Variants in GON4L observed in about 807,000 individuals in gnomAD.
GON4L encodes GON-4-like protein.
In GON4L, 87 loss-of-function variants were observed where a neutral mutation model predicts 211.8. The observed-to-expected ratio is 0.41, with a 90% CI of 0.35 to 0.49. The LOEUF is 0.49. GON4L is among the 20% of genes least tolerant of loss of function. The probability of loss-of-function intolerance (pLI) is 0.15; values close to 1 mark genes in which losing one functional copy is unlikely to be tolerated. For missense variants in GON4L, 2,155 were observed against 2,659.5 expected (o/e 0.81, Z 4.17); for synonymous variants, 875 against 962.6 (o/e 0.91, Z 1.68).
In GON4L at chr1:155,762,303, G is replaced by A. The variant is rs778351826; in HGVS notation, c.4798C>T (p.Arg1600Trp). 10 of 1,613,518 alleles carry A rather than the reference G, an allele frequency of 6.2e-6. No homozygotes were observed. Among genetic ancestry groups the A allele is most frequent in the Non-Finnish European group, 7.6e-6 (9 of 1,179,730 alleles). ...RARNKRGSRA[R>W]ASKDTSKLLL... ...AGCTTGGAGGTGTCCTTGCTGGCCC[G>A]AGCCCGACTTCCCCGCTTGTTGCGA... Residue 1600 changes from arginine to tryptophan, a missense_variant, in exon 23 of 32, where the codon CGG becomes TGG. Arg to Trp is a moderately radical substitution (Grantham distance 101, BLOSUM62 -3). Around this residue, in one of 6 missense-constraint regions of GON4L, gnomAD observed 455 missense variants for 504.6 expected, o/e 0.90. Coordinates refer to ENST00000368331, the MANE Select transcript of GON4L (RefSeq NM_001282860.2).
chr1:155,807,721 A>G (rs1444401127), intron 10 of GON4L, among the ~76,000 whole-genome samples: 2 of 150,334 alleles, frequency 1.3e-5, no homozygotes, highest in African/African-American at 4.9e-5. Flanking sequence ...AAAAAAAAAA[A>G]AAAAGAAAAT....
At position 155,815,490 on chromosome 1, in the gene GON4L, G is replaced by T. The variant is rs75636292; in HGVS notation, c.1161+315C>A. 4.0e-3 allele frequency among the ~76,000 whole-genome samples: 602 copies of T among 152,114 alleles called. 4 individuals are homozygous for T. Among genetic ancestry groups the T allele is most frequent in the African/African-American group, 0.013 (558 of 41,502 alleles). On this transcript the variant is annotated intron_variant, in intron 8 of 31. Coordinates refer to ENST00000368331, the MANE Select transcript of GON4L (RefSeq NM_001282860.2). The stretch of plus-strand genomic sequence containing the variant: ...TGGTTATTTTTAGGGGGAGGGAGGT[G>T]ATTGTGACTGGGGAGGGTATACAGG...
chr1:155,804,852 T>C, intron 11 of GON4L, 97 bp downstream of exon 11: 1 of 857,520 alleles, frequency 1.2e-6, no homozygotes. Flanking sequence ...ATTAAATCAA[T>C]TAACCCAAAC....
rs918242129 is a variant in GON4L at position 155,785,472 on chromosome 1, G to T, written c.1748-98C>A. ...ATGTATAATGTTTTCAACAAGGCAT[G>T]ACAAATTCTTCATATCTATCCTTCT... On this transcript the variant is annotated intron_variant, in intron 12 of 31. Transcript: ENST00000368331. The T allele has an allele frequency of 2.1e-4, 183 of 866,226 alleles. 1 individual carries two copies. Among genetic ancestry groups the T allele is most frequent in the Non-Finnish European group, 2.3e-4 (118 of 505,496 alleles). 53.7% of individuals were successfully genotyped at this position (866,226 alleles called of 1,614,324 possible).
At position 155,826,994 on chromosome 1, in the gene GON4L, A is replaced by C. The variant is rs747481439; in HGVS notation, c.540T>G (p.Pro180=). Residue 180 remains proline (P), a synonymous_variant, in exon 3 of 32, where the codon CCT becomes CCG. Transcript: ENST00000368331. Reference sequence around the variant, plus strand: ...CAGATTGGCTGCCTGATGGCAGGGAAGGTATCTCCCCTTCAGAATTCATTT... The same window carrying C: ...CAGATTGGCTGCCTGATGGCAGGGACGGTATCTCCCCTTCAGAATTCATTT... ...KPQMNSEGEI[P]SLPSGSQSAK... is the part of the protein sequence containing the mutation. 7 of 1,613,934 alleles carry C rather than the reference A, an allele frequency of 4.3e-6. No homozygotes were observed. In the East Asian group the frequency reaches 1.6e-4, roughly 36 times the overall value.
intron 10 of GON4L, among the ~76,000 whole-genome samples, chr1:155,808,357 A>G (rs557865617): frequency 6.6e-6 from 1 of 151,852 alleles, no homozygotes; most frequent in African/African-American, 2.4e-5. Context: ...AATGTTTAAA[A>G]TAAAATCTAC....
chr1:155,772,412 CAT>C (rs1485138620), intron 18 of GON4L, among the ~76,000 whole-genome samples: 1 of 152,002 alleles, frequency 6.6e-6, no homozygotes, highest in Non-Finnish European at 1.5e-5. Context: ...TACATATACA[CAT>C]ATGTGCTGAT....
At chr1:155,791,226 C>T (rs61192581) in intron 12 of GON4L, among the ~76,000 whole-genome samples, 1 of 152,278 alleles carries the variant, frequency 6.6e-6, no homozygotes, top group African/African-American at 2.4e-5. Flanking sequence ...CACACCATTG[C>T]ACTCTAGCCT....
At chr1:155,839,822 A>T (rs879728765) in intron 2 of GON4L, among the ~76,000 whole-genome samples, 3 of 152,206 alleles carry the variant, frequency 2.0e-5, no homozygotes, top group African/African-American at 7.2e-5. Context: ...ATGGTCTCCT[A>T]TGTTAAAGTA....
At chr1:155,836,543 TG>T (rs1465989559) in intron 2 of GON4L, among the ~76,000 whole-genome samples, 1 of 152,188 alleles carries the variant, frequency 6.6e-6, no homozygotes, top group African/African-American at 2.4e-5. Context: ...CCACCACGCC[TG>T]GCCGATGTGG....
At chr1:155,852,296 G>A (rs1017994103) in intron 2 of GON4L, among the ~76,000 whole-genome samples, 15 of 151,890 alleles carry the variant, frequency 9.9e-5, no homozygotes, top group East Asian at 9.7e-4. Flanking sequence ...CTGTTAAACC[G>A]CAATTCATCT....
intron 8 of GON4L, among the ~76,000 whole-genome samples, 193 bp downstream of exon 8, chr1:155,815,612 G>A (rs1194109238): frequency 6.6e-6 from 1 of 151,978 alleles, no homozygotes; most frequent in Admixed American, 6.6e-5. Flanking sequence ...TTCTATGCAC[G>A]TTTCTATGCT....
intron 10 of GON4L, among the ~76,000 whole-genome samples, chr1:155,811,479 G>A (rs1667766839): frequency 6.6e-6 from 1 of 150,624 alleles, no homozygotes; most frequent in African/African-American, 2.4e-5. Flanking sequence ...GATTGGGCTG[G>A]GTGCATTGGC....
chr1:155,801,846 G>A (rs750977064), intron 11 of GON4L, among the ~76,000 whole-genome samples: 65 of 152,102 alleles, frequency 4.3e-4, no homozygotes, highest in Non-Finnish European at 2.1e-4. Context: ...TCACACCACT[G>A]CACTCCAGTC....
At chr1:155,775,878 A>T (rs563497912) in intron 16 of GON4L, among the ~76,000 whole-genome samples, 2 of 152,172 alleles carry the variant, frequency 1.3e-5, no homozygotes, top group Non-Finnish European at 2.9e-5. Context: ...CTCACCTCCT[A>T]GGCTCAAGCT....
chr1:155,767,249 G>T, intron 20 of GON4L, 176 bp downstream of exon 20: 1 of 1,414,984 alleles, frequency 7.1e-7, no homozygotes, highest in Non-Finnish European at 9.5e-7. Flanking sequence ...TTTTGAAAAT[G>T]CTGTAGAATC....
At chr1:155,830,389 T>C (rs1669645027) in intron 2 of GON4L, among the ~76,000 whole-genome samples, 1 of 151,642 alleles carries the variant, frequency 6.6e-6, no homozygotes, top group Non-Finnish European at 1.5e-5. Flanking sequence ...GAGATTCTCC[T>C]GGCTCAGCCT....
chr1:155,776,931 T>C (rs1018739224), intron 15 of GON4L, among the ~76,000 whole-genome samples: 11 of 152,116 alleles, frequency 7.2e-5, no homozygotes, highest in African/African-American at 2.2e-4. Flanking sequence ...GAAAATAACA[T>C]AGGATCTTGG....
chr1:155,848,590 A>G (rs1671468180), intron 2 of GON4L, among the ~76,000 whole-genome samples: 1 of 152,174 alleles, frequency 6.6e-6, no homozygotes, highest in South Asian at 2.1e-4. Context: ...CTTCCCTCAC[A>G]ATCTATCAAA....
Sources: allele counts gnomAD v4.1 joint callset (sites outside exome capture counted in the v4.1 genomes callset), GRCh38; gene constraint gnomAD v4.1.1; regional missense constraint gnomAD v4.1.1; transcripts MANE v1.5; gene names NCBI Gene and HGNC (gene_info 2026-07-23, HGNC 2026-07-21).